SCAI: variants seen among roughly 807,000 people sequenced by gnomAD.
The protein encoded by SCAI is protein SCAI.
SCAI carries 24 observed loss-of-function variants against 92.2 expected under a neutral mutation model. The observed-to-expected ratio is 0.26, with a 90% confidence interval of 0.19 to 0.37. The LOEUF is 0.37. Among genes scored for constraint, SCAI ranks in the 10% least tolerant of loss-of-function variants. The pLI is 1.00. For missense variants in SCAI, 450 were observed against 736.2 expected (o/e 0.61, Z 4.50); for synonymous variants, 261 against 258.6 (o/e 1.01, Z -0.09).
At chr9:125,115,228 C>T (rs1022231157) in intron 2 of SCAI, among the ~76,000 whole-genome samples, 14 of 151,898 alleles carry the variant, frequency 9.2e-5, no homozygotes, top group African/African-American at 2.2e-4. Context: ...AAAAATTAGC[C>T]GGGCGTGGTG....
At chr9:125,002,769 C>A (rs948047219) in intron 11 of SCAI, among the ~76,000 whole-genome samples, 1 of 151,746 alleles carries the variant, frequency 6.6e-6, no homozygotes, top group Non-Finnish European at 1.5e-5. Context: ...CAGGAGTGAG[C>A]CACCACGCCT....
At chr9:125,043,591 G>C (rs956450098) in intron 3 of SCAI, among the ~76,000 whole-genome samples, 3 of 152,190 alleles carry the variant, frequency 2.0e-5, no homozygotes, top group African/African-American at 7.2e-5. Flanking sequence ...CTCCTGAGTA[G>C]CTGGGACTAC....
chr9:125,011,939 T>C (rs1324679521), intron 9 of SCAI, among the ~76,000 whole-genome samples: 2 of 152,164 alleles, frequency 1.3e-5, no homozygotes, highest in South Asian at 4.1e-4. Flanking sequence ...CTAAGCTTGA[T>C]AAGTGAAGGA....
At chr9:125,032,709 G>C (rs1051220861) in intron 3 of SCAI, among the ~76,000 whole-genome samples, 8 of 151,584 alleles carry the variant, frequency 5.3e-5, no homozygotes, top group African/African-American at 1.9e-4. Context: ...CGCCTCCTGG[G>C]TTCAAGTGAT....
In SCAI at chr9:125,018,792, T is replaced by C; in HGVS notation, c.861+7A>G. 6.2e-7 allele frequency: 1 copy of C among 1,602,720 alleles called. No homozygotes were observed. The highest frequency in any genetic ancestry group is 8.5e-7 in the Non-Finnish European group (1 of 1,175,076). ...ATTTTAAGCATAATTCCTTCACAAT[T>C]CTTTACCTGATTATTACAATTACCA... On this transcript the variant is annotated splice_region_variant and intron_variant, in intron 9 of 17. Transcript: ENST00000336505.
intron 6 of SCAI, among the ~76,000 whole-genome samples, chr9:125,026,565 A>T (rs1832969367): frequency 6.6e-6 from 1 of 152,184 alleles, no homozygotes; most frequent in African/African-American, 2.4e-5. Flanking sequence ...GTGTGAAGCC[A>T]ATCTCTTGTA....
intron 11 of SCAI, among the ~76,000 whole-genome samples, 180 bp from the exon 12 acceptor site, chr9:125,002,223 T>C (rs1323747928): frequency 6.6e-6 from 1 of 152,200 alleles, no homozygotes; most frequent in African/African-American, 2.4e-5. Context: ...CAGAGATTCA[T>C]TATTAATCTA....
intron 13 of SCAI, among the ~76,000 whole-genome samples, chr9:124,997,651 G>A (rs752177981): frequency 2.0e-4 from 30 of 152,156 alleles, no homozygotes; most frequent in African/African-American, 5.5e-4. Context: ...CAAAGCAGGC[G>A]GATCACTTGA....
rs1408569983 is a variant in SCAI at position 125,126,111 on chromosome 9, G to A, written c.98+16522C>T. Among the ~76,000 whole-genome samples, 4 of 152,166 alleles carry A rather than the reference G, an allele frequency of 2.6e-5. No homozygotes were observed. In the East Asian group the frequency reaches 7.7e-4, roughly 29 times the overall value. On this transcript the variant is annotated intron_variant, in intron 2 of 17. Coordinates refer to ENST00000336505, the MANE Select transcript of SCAI (RefSeq NM_001144877.3). The stretch of plus-strand genomic sequence containing the variant: ...AGCCCTTGTGAAGCCAGGACAATGA[G>A]TCAAGCTGTTGGCTTGGACTATAGT...
intron 12 of SCAI, among the ~76,000 whole-genome samples, chr9:125,000,618 G>T (rs1323228942): frequency 1.3e-5 from 2 of 149,304 alleles, no homozygotes; most frequent in African/African-American, 4.9e-5. Context: ...AAAAAAAGAA[G>T]TTGCAGAATA....
chr9:124,977,276 C>T (rs939296891), intron 14 of SCAI, among the ~76,000 whole-genome samples: 3 of 151,860 alleles, frequency 2.0e-5, no homozygotes, highest in African/African-American at 7.3e-5. Flanking sequence ...TTTTTTCCTA[C>T]AATTGAAAAA....
chr9:124,948,219 G>C lies in SCAI; in HGVS notation c.*4588C>G, dbSNP rs927772626. The C allele has an allele frequency of 2.0e-5, 3 of 152,186 alleles. No homozygotes were observed. Among genetic ancestry groups the C allele is most frequent in the African/African-American group, 7.2e-5 (3 of 41,442 alleles). The allele number at this position is 152,186 out of a possible 1,614,324, so 9.4% of individuals were successfully genotyped here. On this transcript the variant is annotated 3_prime_UTR_variant, in exon 18 of 18. Coordinates refer to ENST00000336505, the MANE Select transcript of SCAI (RefSeq NM_001144877.3). Reference sequence around the variant, plus strand: ...GGCAGTAGCCAGAAGTTGGAGGGGAGGGAACCACCCGGATCCTCTATCAGG... The same window carrying C: ...GGCAGTAGCCAGAAGTTGGAGGGGACGGAACCACCCGGATCCTCTATCAGG...
chr9:124,948,370 G>A lies in SCAI; in HGVS notation c.*4437C>T, dbSNP rs1036357726. 6.6e-6 allele frequency: 1 copy of A among 152,180 alleles called. No individual in the cohort carries two copies. The highest frequency in any genetic ancestry group is 6.5e-5 in the Admixed American group (1 of 15,274). The allele number at this position is 152,180 out of a possible 1,614,324, so 9.4% of individuals were successfully genotyped here. A position where few individuals can be genotyped will look rare whatever the true frequency, so the allele number is the denominator to read the frequency against. ...GGTTTGAGAGCACCACTTTCTAAGA[G>A]AAACACACACATGCAAATGAAGAAT... On this transcript the variant is annotated 3_prime_UTR_variant, in exon 18 of 18. Coordinates refer to ENST00000336505, the MANE Select transcript of SCAI (RefSeq NM_001144877.3).
chr9:125,090,481 G>A (rs922952790), intron 2 of SCAI, among the ~76,000 whole-genome samples: 1 of 151,986 alleles, frequency 6.6e-6, no homozygotes, highest in Admixed American at 6.6e-5. Context: ...GATGAAGAAG[G>A]AGAAGGAAGG....
rs993791875 is a variant in SCAI at position 124,949,649 on chromosome 9, T to C, written c.*3158A>G. The C allele has an allele frequency of 6.6e-6, 1 of 152,130 alleles. No individual in the cohort carries two copies. The highest frequency in any genetic ancestry group is 1.5e-5 in the Non-Finnish European group (1 of 68,034). 9.4% of individuals were successfully genotyped at this position (152,130 alleles called of 1,614,324 possible). A position where few individuals can be genotyped will look rare whatever the true frequency, so the allele number is the denominator to read the frequency against. ...CCCTGCTTGATCACTCTTTTAAACA[T>C]TGTTCTTCTCTTAAGAAAACAAACA... On this transcript the variant is annotated 3_prime_UTR_variant, in exon 18 of 18. Coordinates refer to ENST00000336505, the MANE Select transcript of SCAI (RefSeq NM_001144877.3). This position sits in a 1 kb window ranked among gnomAD's most constrained non-coding sequence, Gnocchi z 4.0.
At chr9:125,029,913 C>T (rs1343962080) in intron 3 of SCAI, among the ~76,000 whole-genome samples, 174 bp from the exon 4 acceptor site, 1 of 152,126 alleles carries the variant, frequency 6.6e-6, no homozygotes, top group Non-Finnish European at 1.5e-5. Flanking sequence ...CCAGGACATG[C>T]TCTTTTCCTA....
chr9:124,975,104 A>C (rs1455553201), intron 15 of SCAI: 1 of 321,708 alleles, frequency 3.1e-6, no homozygotes, highest in Non-Finnish European at 6.2e-6. Context: ...TCCAGAAATG[A>C]TAAGAAACAG....
chr9:124,963,320 G>C (rs1177916895), intron 17 of SCAI, among the ~76,000 whole-genome samples: 1 of 151,060 alleles, frequency 6.6e-6, no homozygotes, highest in East Asian at 2.0e-4. Flanking sequence ...ATTTTTAGTA[G>C]AGACGGGGTT....
intron 9 of SCAI, among the ~76,000 whole-genome samples, chr9:125,010,592 C>A (rs1832615358): frequency 6.6e-6 from 1 of 152,244 alleles, no homozygotes; most frequent in Admixed American, 6.5e-5. Context: ...TAGGCTCCAC[C>A]TCTGGGGGCA....
Sources: allele counts gnomAD v4.1 joint callset (sites outside exome capture counted in the v4.1 genomes callset), GRCh38; gene constraint gnomAD v4.1.1; non-coding constraint Gnocchi (gnomAD v3.1); transcripts MANE v1.5; gene names NCBI Gene and HGNC (gene_info 2026-07-23, HGNC 2026-07-21).